The following DNAJC2 variants were observed in gnomAD, a reference collection of about 807,000 sequenced individuals.
DNAJC2 encodes dnaJ homolog subfamily C member 2.
DNAJC2 carries 32 observed loss-of-function variants against 94.0 expected under a neutral mutation model. That is an observed-to-expected ratio of 0.34 (90% CI 0.26 to 0.46). DNAJC2 has a LOEUF of 0.46. Ranked by LOEUF, DNAJC2 falls within the 20% of genes least tolerant of loss-of-function variation. DNAJC2 has a pLI of 1.00. For missense variants in DNAJC2, 550 were observed against 719.5 expected (o/e 0.76, Z 2.69); for synonymous variants, 210 against 229.7 (o/e 0.91, Z 0.77).
In DNAJC2 at chr7:103,312,420, GT is replaced by G. The variant is rs1817796071; in HGVS notation, c.*148del. On this transcript the variant is annotated 3_prime_UTR_variant, in exon 17 of 17. Coordinates refer to ENST00000379263, the MANE Select transcript of DNAJC2 (RefSeq NM_014377.3). ...TAAAAAGACTACCCCTCTGAAGGTT[GT>G]TTTGTATTAATGGTCAGTCTTTGTT... 1 of 1,508,788 alleles carries G rather than the reference GT, an allele frequency of 6.6e-7. No homozygotes were observed. The highest frequency in any genetic ancestry group is 2.3e-5 in the Admixed American group (1 of 43,872). The allele number at this position is 1,508,788 out of a possible 1,614,324, so 93.5% of individuals were successfully genotyped here.
At chr7:103,316,119 T>C in intron 13 of DNAJC2, 31 bp from the exon 14 acceptor site, 5 of 1,381,672 alleles carry the variant, frequency 3.6e-6, no homozygotes, top group Non-Finnish European at 5.0e-6. Context: ...ATAATATGAA[T>C]AGTAGTAAGG....
intron 15 of DNAJC2, chr7:103,314,578 T>A: frequency 1.0e-6 from 1 of 985,364 alleles, no homozygotes; most frequent in Non-Finnish European, 1.2e-6. Context: ...TTTGTGGAGA[T>A]AAAGGTGCAG....
chr7:103,317,374 TCA>T, intron 12 of DNAJC2: 1 of 192,078 alleles, frequency 5.2e-6, no homozygotes, highest in Non-Finnish European at 1.1e-5. Flanking sequence ...GCAGACAATC[TCA>T]TTTATTCTCT....
intron 12 of DNAJC2, among the ~76,000 whole-genome samples, chr7:103,318,212 T>C (rs1019012807): frequency 1.3e-5 from 2 of 151,944 alleles, no homozygotes; most frequent in African/African-American, 4.8e-5. Flanking sequence ...GTTGCCCAGG[T>C]TGGAGTGCAC....
At chr7:103,316,183 A>G (rs1818044484) in intron 13 of DNAJC2, 95 bp from the exon 14 acceptor site, 6 of 708,620 alleles carry the variant, frequency 8.5e-6, no homozygotes, top group African/African-American at 1.8e-5. Flanking sequence ...GAAAGGTTAT[A>G]GTATGTACAG....
chr7:103,328,442 C>T lies in DNAJC2; in HGVS notation c.332-688G>A, dbSNP rs181025102. On this transcript the variant is annotated intron_variant, in intron 3 of 16. Transcript: ENST00000379263. ...GGTCAGGAGTTCAAGACTAGCCTGGCCAATATGGCAAAACCTGGTTTCTAC... is the reference window on the plus strand; with the variant it reads ...GGTCAGGAGTTCAAGACTAGCCTGGTCAATATGGCAAAACCTGGTTTCTAC... Among the ~76,000 whole-genome samples, 318 of 151,908 alleles carry T rather than the reference C, an allele frequency of 2.1e-3. 1 individual carries two copies. Among genetic ancestry groups the T allele is most frequent in the African/African-American group, 7.0e-3 (292 of 41,442 alleles).
At position 103,344,636 on chromosome 7, in the gene DNAJC2, C is replaced by A. The variant is rs757201918; in HGVS notation, c.-14G>T. 6.2e-7 allele frequency: 1 copy of A among 1,607,454 alleles called. No individual in the cohort carries two copies. The highest frequency in any genetic ancestry group is 1.1e-5 in the South Asian group (1 of 91,008). ...CAGAAGCAGCATGATGGCGCCGGGT[C>A]TAGCCCGGTGGGCGCAGCGGCTCAC... On this transcript the variant is annotated 5_prime_UTR_variant, in exon 1 of 17. Coordinates refer to ENST00000379263, the MANE Select transcript of DNAJC2 (RefSeq NM_014377.3).
intron 6 of DNAJC2, 106 bp downstream of exon 6, chr7:103,324,376 G>T: frequency 2.0e-6 from 2 of 1,010,948 alleles, no homozygotes; most frequent in Non-Finnish European, 1.4e-6. Flanking sequence ...TTCAGTGAAG[G>T]TTCTGCAATT....
At chr7:103,315,718 C>A (rs1321651946) in intron 15 of DNAJC2, 46 bp downstream of exon 15, 6 of 1,314,680 alleles carry the variant, frequency 4.6e-6, no homozygotes, top group Non-Finnish European at 6.6e-6. Context: ...CCAAGCAGCA[C>A]AGATACATGG....
chr7:103,337,692 C>A, intron 3 of DNAJC2, 44 bp downstream of exon 3: 1 of 1,452,850 alleles, frequency 6.9e-7, no homozygotes, highest in South Asian at 1.2e-5. Flanking sequence ...CCAGCCTGTT[C>A]CTATACAAGA....
chr7:103,318,666 T>C (rs1339212672), intron 12 of DNAJC2, among the ~76,000 whole-genome samples: 4 of 152,202 alleles, frequency 2.6e-5, no homozygotes, highest in East Asian at 1.9e-4. Context: ...CTAATACTTG[T>C]TGAATTGAAT....
At chr7:103,318,952 TC>T (rs1278495170) in intron 12 of DNAJC2, among the ~76,000 whole-genome samples, 1 of 152,122 alleles carries the variant, frequency 6.6e-6, no homozygotes, top group African/African-American at 2.4e-5. Context: ...GCATGGTGGC[TC>T]ATGCCTATAA....
At chr7:103,340,766 C>T (rs1308082621) in intron 2 of DNAJC2, among the ~76,000 whole-genome samples, 1 of 152,246 alleles carries the variant, frequency 6.6e-6, no homozygotes, top group African/African-American at 2.4e-5. Context: ...CAATTCCTCA[C>T]AGCAACCACC....
In DNAJC2 at chr7:103,314,542, G is replaced by A. The variant is rs551259473; in HGVS notation, c.1636+1222C>T. On this transcript the variant is annotated intron_variant, in intron 15 of 16. Transcript: ENST00000379263. ...ACAAGTCCCCCTAAGAAAGAGCTGAGACTAGTGTGCTAATACCTGTTGTAT... is the reference window on the plus strand; with the variant it reads ...ACAAGTCCCCCTAAGAAAGAGCTGAAACTAGTGTGCTAATACCTGTTGTAT... The A allele has an allele frequency of 1.0e-5, 10 of 985,372 alleles. No individual in the cohort carries two copies. In the African/African-American group the frequency reaches 1.6e-4, roughly 15 times the overall value. The allele number at this position is 985,372 out of a possible 1,614,324, so 61.0% of individuals were successfully genotyped here.
rs191972640 is a variant in DNAJC2 at position 103,334,327 on chromosome 7, T to C, written c.331+3409A>G. Among the ~76,000 whole-genome samples, 404 of 151,738 alleles carry C rather than the reference T, an allele frequency of 2.7e-3. 6 individuals are homozygous for C. Among genetic ancestry groups the C allele is most frequent in the Admixed American group, 0.018 (271 of 15,278 alleles). Reference sequence around the variant, plus strand: ...CTGTAATCCCAGCACTTTGGGAGACTGAGGCAGGTGGATCACTTGAACTCA... The same window carrying C: ...CTGTAATCCCAGCACTTTGGGAGACCGAGGCAGGTGGATCACTTGAACTCA... On this transcript the variant is annotated intron_variant, in intron 3 of 16. Transcript: ENST00000379263.
At chr7:103,320,564 T>C (rs1818330293) in intron 10 of DNAJC2, among the ~76,000 whole-genome samples, 1 of 150,814 alleles carries the variant, frequency 6.6e-6, no homozygotes, top group Non-Finnish European at 1.5e-5. Flanking sequence ...ATCGAGACCA[T>C]CCTGGCTAAC....
At position 103,319,652 on chromosome 7, in the gene DNAJC2, G is replaced by A; in HGVS notation, c.1199C>T (p.Thr400Ile). Residue 400 changes from threonine (T) to isoleucine (I), a missense_variant, in exon 12 of 17, where the codon ACA becomes ATA. Physicochemically the swap from Thr to Ile is moderately conservative, Grantham distance 89. This residue lies in a region of DNAJC2 where 271 missense variants were observed against 302.6 expected (regional missense o/e 0.90). Transcript: ENST00000379263. ...CTTTCCTACTTCTTTTGTGCATGAT[G>A]TGAGTGTTTCATTCAAGCACTGTAA... ...ASLQCLNETLTSCTKEVGKAA... is the reference protein window; with the variant it reads ...ASLQCLNETLISCTKEVGKAA... The A allele has an allele frequency of 1.9e-6, 3 of 1,614,038 alleles. No homozygotes were observed. Among genetic ancestry groups the A allele is most frequent in the Non-Finnish European group, 2.5e-6 (3 of 1,180,014 alleles).
At chr7:103,321,812 C>T (rs1324080699) in intron 10 of DNAJC2, 120 bp downstream of exon 10, 1 of 1,131,132 alleles carries the variant, frequency 8.8e-7, no homozygotes, top group African/African-American at 1.6e-5. Context: ...CGCGCCACTG[C>T]ACTCCAGCCT....
intron 6 of DNAJC2, 108 bp from the exon 7 acceptor site, chr7:103,323,771 A>C: frequency 1.2e-6 from 1 of 852,954 alleles, no homozygotes; most frequent in Non-Finnish European, 1.6e-6. Flanking sequence ...CTTCCCTTCT[A>C]GTATTGAACT....
Sources: gnomAD v4.1 joint callset for allele counts (sites outside exome capture counted in the v4.1 genomes callset) on GRCh38, gnomAD v4.1.1 for gene constraint, gnomAD v4.1.1 regional missense constraint, MANE v1.5 for transcripts, NCBI Gene and HGNC (gene_info 2026-07-23, HGNC 2026-07-21) for gene names.